Variants in CNNM2 observed in about 807,000 individuals in gnomAD.
CNNM2 encodes the protein metal transporter CNNM2.
A neutral mutation model predicts 66.9 loss-of-function variants in CNNM2; 12 were observed. The ratio of observed to expected loss-of-function variants is 0.18; its 90% CI spans 0.11 to 0.29. The LOEUF is 0.29. CNNM2 is among the 10% of genes least tolerant of loss of function. The probability of loss-of-function intolerance (pLI) is 1.00; values close to 1 mark genes in which losing one functional copy is unlikely to be tolerated. For missense variants in CNNM2, 705 were observed against 1,167.7 expected (o/e 0.60, Z 5.77); for synonymous variants, 557 against 501.8 (o/e 1.11, Z -1.47).
chr10:102,934,610 A>G (rs904151418), intron 1 of CNNM2, among the ~76,000 whole-genome samples: 1 of 151,894 alleles, frequency 6.6e-6, no homozygotes, highest in African/African-American at 2.4e-5. Flanking sequence ...ATTTCTTTCT[A>G]CTATTTAGAG....
intron 4 of CNNM2, 33 bp from the exon 5 acceptor site, chr10:103,068,595 CT>C: frequency 6.4e-7 from 1 of 1,561,366 alleles, no homozygotes; most frequent in Non-Finnish European, 8.7e-7. Context: ...GCTTTTGCAA[CT>C]GGACTGAAAA....
chr10:103,023,824 A>G (rs1380379484), intron 1 of CNNM2, among the ~76,000 whole-genome samples: 1 of 152,188 alleles, frequency 6.6e-6, no homozygotes, highest in Admixed American at 6.5e-5. Flanking sequence ...CATTTGACAA[A>G]CTTGTTTTGA....
intron 1 of CNNM2, among the ~76,000 whole-genome samples, chr10:102,924,592 GTGT>G (rs1443225622): frequency 1.3e-5 from 2 of 151,170 alleles, no homozygotes; most frequent in Middle Eastern, 3.4e-3. Flanking sequence ...ACCAAATTAA[GTGT>G]TGTATTTGCC....
chr10:102,993,204 T>C (rs974028475), intron 1 of CNNM2, among the ~76,000 whole-genome samples: 1 of 152,206 alleles, frequency 6.6e-6, no homozygotes, highest in African/African-American at 2.4e-5. Context: ...CTTATGTGCG[T>C]TGAGAAACTT....
At chr10:102,920,625 C>T (rs922265537) in intron 1 of CNNM2, among the ~76,000 whole-genome samples, 1 of 152,102 alleles carries the variant, frequency 6.6e-6, no homozygotes, top group Admixed American at 6.6e-5. Context: ...GCTTCTGTTC[C>T]TGCTTGCCTG....
chr10:103,022,862 A>C (rs1481284316), intron 1 of CNNM2, among the ~76,000 whole-genome samples: 1 of 152,144 alleles, frequency 6.6e-6, no homozygotes, highest in African/African-American at 2.4e-5. Flanking sequence ...GATGTATCAC[A>C]TGGCAAGAGA....
rs767121961 is a variant in CNNM2 at position 102,918,605 on chromosome 10, A to G, written c.125A>G (p.Gln42Arg). The change falls in exon 1 of 8, where the codon CAG becomes CGG. Residue 42 changes from glutamine to arginine, a missense_variant. Gln to Arg is a conservative substitution (Grantham distance 43). Around this residue, in one of 9 missense-constraint regions of CNNM2, gnomAD observed 98 missense variants for 73.6 expected, o/e 1.33. Coordinates refer to ENST00000369878, the MANE Select transcript of CNNM2 (RefSeq NM_017649.5). This position sits in a 1 kb window ranked among gnomAD's most constrained non-coding sequence, Gnocchi z 4.1. ...SLSARGRGIL[Q>R]AAAGRLLPLL... ...AGCGCTCGCGGCCGGGGGATCCTGC[A>G]GGCGGCTGCGGGGCGGCTGCTGCCG... 2.6e-6 allele frequency: 4 copies of G among 1,556,712 alleles called. No homozygotes were observed. The African/African-American group carries it at 5.5e-5, about 22-fold the overall frequency.
chr10:102,940,709 C>T (rs1429272876), intron 1 of CNNM2, among the ~76,000 whole-genome samples: 14 of 146,622 alleles, frequency 9.5e-5, no homozygotes, highest in Non-Finnish European at 1.5e-4. Context: ...TGAGCCACCG[C>T]GCCTGGTCCT....
At chr10:102,955,940 A>C (rs1847018115) in intron 1 of CNNM2, among the ~76,000 whole-genome samples, 1 of 152,064 alleles carries the variant, frequency 6.6e-6, no homozygotes, top group Non-Finnish European at 1.5e-5. Context: ...GTGGATCACG[A>C]GGTCAGTTCA....
intron 1 of CNNM2, among the ~76,000 whole-genome samples, chr10:102,980,380 C>T (rs779017579): frequency 1.3e-5 from 2 of 151,272 alleles, no homozygotes; most frequent in Non-Finnish European, 2.9e-5. Flanking sequence ...AGGTGATCCT[C>T]CCACCTTAGC....
At chr10:103,030,125 T>C (rs113370914) in intron 1 of CNNM2, among the ~76,000 whole-genome samples, 19 of 152,202 alleles carry the variant, frequency 1.2e-4, no homozygotes, top group East Asian at 7.7e-4. Flanking sequence ...GTTTGGGGAA[T>C]TGGAAAATGT....
intron 6 of CNNM2, among the ~76,000 whole-genome samples, chr10:103,075,240 G>A (rs570675057): frequency 2.6e-4 from 40 of 152,194 alleles, no homozygotes; most frequent in Non-Finnish European, 4.7e-4. Context: ...CCTGTGATAC[G>A]ATGCAATTCA....
chr10:102,924,616 G>A (rs935945573), intron 1 of CNNM2, among the ~76,000 whole-genome samples: 2 of 151,676 alleles, frequency 1.3e-5, no homozygotes, highest in South Asian at 2.1e-4. Context: ...TTGAATCTAG[G>A]AAGTTGTTTT....
intron 1 of CNNM2, among the ~76,000 whole-genome samples, chr10:102,940,522 C>T (rs1043796728): frequency 2.7e-5 from 4 of 149,338 alleles, no homozygotes; most frequent in African/African-American, 1.0e-4. Flanking sequence ...GGGTTCACAC[C>T]ATTCTCCTGT....
Position 102,918,498 on chromosome 10 carries a change from T to A in CNNM2, c.18T>A (p.Ala6=). The A allele has an allele frequency of 6.2e-7, 1 of 1,607,426 alleles. No homozygotes were observed. Among genetic ancestry groups the A allele is most frequent in the Non-Finnish European group, 8.5e-7 (1 of 1,178,340 alleles). The change falls in exon 1 of 8, where the codon GCT becomes GCA. Residue 6 remains alanine (A), a synonymous_variant. Transcript: ENST00000369878. This position sits in a 1 kb window ranked among gnomAD's most constrained non-coding sequence, Gnocchi z 4.1. ...GCCACCCTATGATTGGCTGTGGCGCTTGTGAACCCAAAGTAAAGATGGCGG... is the reference window on the plus strand; with the variant it reads ...GCCACCCTATGATTGGCTGTGGCGCATGTGAACCCAAAGTAAAGATGGCGG... MIGCG[A]CEPKVKMAGG...
chr10:102,921,509 T>C (rs1369824826), intron 1 of CNNM2, among the ~76,000 whole-genome samples: 1 of 152,204 alleles, frequency 6.6e-6, no homozygotes, highest in Non-Finnish European at 1.5e-5. Context: ...CTTTGAAGAT[T>C]GGTAAATTTG....
At chr10:102,986,620 A>T (rs964221582) in intron 1 of CNNM2, among the ~76,000 whole-genome samples, 3 of 86,872 alleles carry the variant, frequency 3.5e-5, no homozygotes, top group Admixed American at 1.0e-4. Flanking sequence ...GTCTCTACTT[A>T]AAAAAAAAAG....
chr10:103,039,168 G>A (rs1486990198), intron 1 of CNNM2, among the ~76,000 whole-genome samples: 1 of 151,112 alleles, frequency 6.6e-6, no homozygotes, highest in East Asian at 1.9e-4. Flanking sequence ...TTTTTGAGAT[G>A]GAGTCTCGCT....
At chr10:103,003,635 C>A (rs1361350294) in intron 1 of CNNM2, among the ~76,000 whole-genome samples, 20 of 151,796 alleles carry the variant, frequency 1.3e-4, no homozygotes, top group Admixed American at 1.3e-3. Context: ...ACCAGCCTGG[C>A]TAACATGGTG....
Sources: gnomAD v4.1 joint callset for allele counts (sites outside exome capture counted in the v4.1 genomes callset) on GRCh38, gnomAD v4.1.1 for gene constraint, gnomAD v4.1.1 regional missense constraint, Gnocchi (gnomAD v3.1) non-coding constraint, MANE v1.5 for transcripts, NCBI Gene and HGNC (gene_info 2026-07-23, HGNC 2026-07-21) for gene names.